Variants in FMNL1 observed in about 807,000 individuals in gnomAD.
The protein encoded by FMNL1 is formin-like protein 1.
In FMNL1, 43 loss-of-function variants were observed where a neutral mutation model predicts 121.3. The ratio of observed to expected loss-of-function variants is 0.35; its 90% confidence interval spans 0.28 to 0.46. FMNL1 has a LOEUF of 0.46. Among genes scored for constraint, FMNL1 ranks in the 20% least tolerant of loss-of-function variants. The probability of loss-of-function intolerance (pLI) is 1.00; values close to 1 mark genes in which losing one functional copy is unlikely to be tolerated. For synonymous variants in FMNL1, 613 were observed against 613.5 expected (o/e 1.00, Z 0.01); for missense variants, 1,191 against 1,482.4 (o/e 0.80, Z 3.23).
chr17:45,243,081 C>G (rs772148598), intron 16 of FMNL1, 37 bp from the exon 17 acceptor site: 5 of 1,608,752 alleles, frequency 3.1e-6, no homozygotes, highest in African/African-American at 1.3e-5. Flanking sequence ...CAGACCCCAG[C>G]CCCACCCAGC....
chr17:45,222,267 G>A lies in FMNL1; in HGVS notation c.129+14G>A, dbSNP rs2043241557. 2.6e-6 allele frequency: 3 copies of A among 1,161,074 alleles called. No homozygotes were observed. Among genetic ancestry groups the A allele is most frequent in the Non-Finnish European group, 3.2e-6 (3 of 940,974 alleles). The allele number at this position is 1,161,074 out of a possible 1,614,324, so 71.9% of individuals were successfully genotyped here. A position where few individuals can be genotyped will look rare whatever the true frequency, so the allele number is the denominator to read the frequency against. On this transcript the variant is annotated intron_variant, in intron 1 of 26. Transcript: ENST00000331495. ...AACCGCGCCCTGGTGAGTGCGACCC[G>A]GAGGCGGGTCGGGCGCGGGCGGGGG...
chr17:45,244,508 G>A (rs1157588629), intron 19 of FMNL1, among the ~76,000 whole-genome samples: 1 of 152,224 alleles, frequency 6.6e-6, no homozygotes, highest in East Asian at 1.9e-4. Flanking sequence ...GGAGGGCCCG[G>A]GAACCAGTAG....
chr17:45,238,492 A>C, intron 9 of FMNL1, 72 bp from the exon 10 acceptor site: 1 of 1,518,976 alleles, frequency 6.6e-7, no homozygotes, highest in Non-Finnish European at 9.1e-7. Context: ...GTTGAAGCAC[A>C]GGTGTGGCAG....
chr17:45,235,552 C>T (rs1036117926), intron 6 of FMNL1, among the ~76,000 whole-genome samples: 4 of 152,114 alleles, frequency 2.6e-5, no homozygotes, highest in Admixed American at 1.3e-4. Flanking sequence ...AAGTCCCGGT[C>T]GGCAGTTCTG....
intron 1 of FMNL1, among the ~76,000 whole-genome samples, chr17:45,228,560 C>T (rs1292329912): frequency 1.3e-5 from 2 of 152,216 alleles, no homozygotes; most frequent in African/African-American, 2.4e-5. Flanking sequence ...GGAATGTTAA[C>T]GGTGCCAGTG....
rs776852929 is a variant in FMNL1 at position 45,236,155 on chromosome 17, A to G, written c.634A>G (p.Arg212Gly). 1.6e-5 allele frequency: 26 copies of G among 1,613,054 alleles called. No individual in the cohort carries two copies. The highest frequency in any genetic ancestry group is 2.1e-5 in the Non-Finnish European group (25 of 1,179,972). ...GCCCAGGCTGACCCCAGCCCACAGC[A>G]GGAAGGCCCTGCGGAATTCCCGCAT... ...LTIKLTPAHS[R>G]KALRNSRIVS... The change falls in exon 7 of 27, where the codon AGG becomes GGG. Residue 212 changes from arginine (R) to glycine (G), a missense_variant. Transcript: ENST00000331495.
intron 1 of FMNL1, among the ~76,000 whole-genome samples, chr17:45,224,968 C>T (rs1342855600): frequency 2.6e-5 from 4 of 152,218 alleles, no homozygotes; most frequent in African/African-American, 4.8e-5. Context: ...CTGGGAGGCA[C>T]GCAGGGTCAG....
At position 45,237,303 on chromosome 17, in the gene FMNL1, A is replaced by G. The variant is rs200827907; in HGVS notation, c.746A>G (p.Asn249Ser). 2 of 1,614,064 alleles carry G rather than the reference A, an allele frequency of 1.2e-6. No individual in the cohort carries two copies. The highest frequency in any genetic ancestry group is 1.7e-5 in the Admixed American group (1 of 60,000). The change falls in exon 8 of 27, where the codon AAC (asparagine) becomes AGC (serine). Residue 249 changes from asparagine to serine, a missense_variant. Around this residue, in one of 4 missense-constraint regions of FMNL1, gnomAD observed 253 missense variants for 417.5 expected, o/e 0.61. Transcript: ENST00000331495. This position sits in a 1 kb window ranked among gnomAD's most constrained non-coding sequence, Gnocchi z 4.4. ...NYQSGFSLVM[N>S]HPACVNEIAL... The stretch of plus-strand genomic sequence containing the variant: ...CAGTCTGGCTTCAGCCTTGTCATGA[A>G]CCACCCAGCCTGTGTCAATGAGATT...
chr17:45,245,312 CAG>C lies in FMNL1; in HGVS notation c.2795_2796del (p.Glu932ValfsTer6), dbSNP rs771687377. ...CCTGCAGCGAGGCCTAGAGTTGACACAGAGAGAGTTTGTGCGGCAGGATGACT... is the reference window on the plus strand; with the variant it reads ...CCTGCAGCGAGGCCTAGAGTTGACACAGAGAGTTTGTGCGGCAGGATGACT... Reference protein sequence around the residue: ...RSLQRGLELTQREFVRQDDCM... With the variant: ...RSLQRGLELTXREFVRQDDCM... On this transcript the variant is annotated frameshift_variant, in exon 22 of 27. Transcript: ENST00000331495. LOFTEE classifies it high-confidence loss of function. 1.2e-6 allele frequency: 2 copies of C among 1,614,224 alleles called. No individual in the cohort carries two copies. The highest frequency in any genetic ancestry group is 1.7e-6 in the Non-Finnish European group (2 of 1,180,038).
intron 2 of FMNL1, 97 bp downstream of exon 2, chr17:45,230,784 GC>G: frequency 7.7e-7 from 1 of 1,296,734 alleles, no homozygotes; most frequent in South Asian, 1.3e-5. Flanking sequence ...CCGCCATACT[GC>G]CCATGGAGCC....
At position 45,233,819 on chromosome 17, in the gene FMNL1, C is replaced by A; in HGVS notation, c.485+88C>A. The A allele has an allele frequency of 6.5e-7, 1 of 1,538,040 alleles. No individual in the cohort carries two copies. Among genetic ancestry groups the A allele is most frequent in the Non-Finnish European group, 8.8e-7 (1 of 1,132,312 alleles). ...TCTCACCCACTCCCCTGGCCAGTTTCAAGCCAGGCAGCCCGAGCCTACCCT... is the reference window on the plus strand; with the variant it reads ...TCTCACCCACTCCCCTGGCCAGTTTAAAGCCAGGCAGCCCGAGCCTACCCT... On this transcript the variant is annotated intron_variant, in intron 5 of 26. Coordinates refer to ENST00000331495, the MANE Select transcript of FMNL1 (RefSeq NM_005892.4). This position sits in a 1 kb window ranked among gnomAD's most constrained non-coding sequence, Gnocchi z 4.1.
chr17:45,233,032 G>T lies in FMNL1; in HGVS notation c.328-192G>T. On this transcript the variant is annotated intron_variant, in intron 3 of 26. Coordinates refer to ENST00000331495, the MANE Select transcript of FMNL1 (RefSeq NM_005892.4). The surrounding 1 kb of genome is among the most constrained non-coding windows in gnomAD (Gnocchi z 4.1). ...GTGTGTACCCTGCTTGTCTATGTATGGGGGAGCACATGTAGCCTGTGAGTT... is the reference window on the plus strand; with the variant it reads ...GTGTGTACCCTGCTTGTCTATGTATTGGGGAGCACATGTAGCCTGTGAGTT... 1.5e-6 allele frequency: 1 copy of T among 681,826 alleles called. No individual in the cohort carries two copies. The highest frequency in any genetic ancestry group is 2.3e-4 in the Middle Eastern group (1 of 4,276). The allele number at this position is 681,826 out of a possible 1,614,324, so 42.2% of individuals were successfully genotyped here.
chr17:45,233,051 G>C lies in FMNL1; in HGVS notation c.328-173G>C. On this transcript the variant is annotated intron_variant, in intron 3 of 26. Coordinates refer to ENST00000331495, the MANE Select transcript of FMNL1 (RefSeq NM_005892.4). The surrounding 1 kb of genome is among the most constrained non-coding windows in gnomAD (Gnocchi z 4.1). ...ATGTATGGGGGAGCACATGTAGCCT[G>C]TGAGTTCTTATTCTGCTGGGCAGGT... 1 of 701,480 alleles carries C rather than the reference G, an allele frequency of 1.4e-6. No individual in the cohort carries two copies. The highest frequency in any genetic ancestry group is 2.6e-6 in the Non-Finnish European group (1 of 387,284). 43.5% of individuals were successfully genotyped at this position (701,480 alleles called of 1,614,324 possible).
intron 20 of FMNL1, 34 bp from the exon 21 acceptor site, chr17:45,244,945 G>C: frequency 6.2e-7 from 1 of 1,612,028 alleles, no homozygotes; most frequent in Non-Finnish European, 8.5e-7. Flanking sequence ...GGGACTGGCT[G>C]GTGGCCTGTG....
chr17:45,245,492 G>A (rs540839243), intron 22 of FMNL1, 76 bp downstream of exon 22: 28 of 1,606,784 alleles, frequency 1.7e-5, no homozygotes, highest in South Asian at 1.4e-4. Flanking sequence ...GGGTGTGGCC[G>A]TAGCTGGGAC....
rs1053588473 is a variant in FMNL1 at position 45,234,375 on chromosome 17, A to G, written c.614+175A>G. 1.3e-5 allele frequency: 15 copies of G among 1,128,176 alleles called. No individual in the cohort carries two copies. The African/African-American group carries it at 2.2e-4, about 16-fold the overall frequency. The allele number at this position is 1,128,176 out of a possible 1,614,324, so 69.9% of individuals were successfully genotyped here. A position where few individuals can be genotyped will look rare whatever the true frequency, so the allele number is the denominator to read the frequency against. On this transcript the variant is annotated intron_variant, in intron 6 of 26. Coordinates refer to ENST00000331495, the MANE Select transcript of FMNL1 (RefSeq NM_005892.4). The stretch of plus-strand genomic sequence containing the variant: ...GACACCAGTATGTTAAGAAGCCATC[A>G]GGGGTGGGGCTGGGTGCTGTGGCTC...
intron 6 of FMNL1, 151 bp from the exon 7 acceptor site, chr17:45,235,985 C>T: frequency 3.1e-6 from 2 of 637,990 alleles, no homozygotes; most frequent in South Asian, 3.7e-5. Context: ...GGAAGCCTGC[C>T]TGCCCTCAGC....
In FMNL1 at chr17:45,222,156, C is replaced by A; in HGVS notation, c.32C>A (p.Pro11His). 1 of 1,203,518 alleles carries A rather than the reference C, an allele frequency of 8.3e-7. No individual in the cohort carries two copies. Among genetic ancestry groups the A allele is most frequent in the Non-Finnish European group, 1.0e-6 (1 of 971,990 alleles). The allele number at this position is 1,203,518 out of a possible 1,614,324, so 74.6% of individuals were successfully genotyped here. ...AACGCGGCCGGCAGCGCCGAGCAGC[C>A]CGCGGGCCCCGCCGCGCCGCCCCCC... is the stretch of plus-strand genomic sequence containing the variant. Reference protein sequence around the residue: MGNAAGSAEQPAGPAAPPPKQ... With the variant: MGNAAGSAEQHAGPAAPPPKQ... Residue 11 changes from proline (P) to histidine (H), a missense_variant, in exon 1 of 27, where the codon CCC becomes CAC. Pro to His is a moderately conservative substitution (Grantham distance 77, BLOSUM62 -2). Coordinates refer to ENST00000331495, the MANE Select transcript of FMNL1 (RefSeq NM_005892.4).
intron 18 of FMNL1, 54 bp downstream of exon 18, chr17:45,244,079 A>G: frequency 6.2e-7 from 1 of 1,600,328 alleles, no homozygotes; most frequent in Non-Finnish European, 8.5e-7. Flanking sequence ...GGCAGGAGGC[A>G]ACTCCCAGCC....
Sources: allele counts gnomAD v4.1 joint callset (sites outside exome capture counted in the v4.1 genomes callset), GRCh38; gene constraint gnomAD v4.1.1; regional missense constraint gnomAD v4.1.1; non-coding constraint Gnocchi (gnomAD v3.1); transcripts MANE v1.5; gene names NCBI Gene and HGNC (gene_info 2026-07-23, HGNC 2026-07-21).